The following KCNQ3 variants were observed in gnomAD, a reference collection of about 807,000 sequenced individuals.
The protein encoded by KCNQ3 is potassium voltage-gated channel subfamily KQT member 3.
Under a neutral mutation model 92.5 loss-of-function variants are expected in KCNQ3, and 30 were observed. The observed-to-expected ratio is 0.32, with a 90% CI of 0.24 to 0.44. The LOEUF (loss-of-function observed/expected upper bound fraction) is 0.44. Ranked by LOEUF, KCNQ3 falls within the 20% of genes least tolerant of loss-of-function variation. KCNQ3 has a pLI of 1.00. For missense variants in KCNQ3, 913 were observed against 1,140.3 expected (o/e 0.80, Z 2.87); for synonymous variants, 450 against 468.8 (o/e 0.96, Z 0.52).
At chr8:132,215,234 T>A (rs1445087290) in intron 1 of KCNQ3, among the ~76,000 whole-genome samples, 1 of 152,220 alleles carries the variant, frequency 6.6e-6, no homozygotes, top group Non-Finnish European at 1.5e-5. Context: ...AAAAATGGGA[T>A]TAATAACAAT....
At chr8:132,452,557 C>A (rs1821846359) in intron 1 of KCNQ3, among the ~76,000 whole-genome samples, 2 of 152,154 alleles carry the variant, frequency 1.3e-5, no homozygotes, top group South Asian at 4.1e-4. Flanking sequence ...TGACTGGCAC[C>A]AAATCCTTGG....
At chr8:132,190,496 T>C (rs1438803412) in intron 1 of KCNQ3, among the ~76,000 whole-genome samples, 1 of 152,226 alleles carries the variant, frequency 6.6e-6, no homozygotes, top group African/African-American at 2.4e-5. Context: ...TTGAAAGGCC[T>C]GTGAGAGCTA....
intron 1 of KCNQ3, among the ~76,000 whole-genome samples, chr8:132,199,013 G>A (rs897939164): frequency 3.3e-5 from 5 of 152,062 alleles, no homozygotes; most frequent in Admixed American, 2.6e-4. Context: ...GGCTTTGCAA[G>A]TCAGTCTCTG....
At chr8:132,458,733 G>A (rs1821998981) in intron 1 of KCNQ3, among the ~76,000 whole-genome samples, 1 of 152,210 alleles carries the variant, frequency 6.6e-6, no homozygotes, top group African/African-American at 2.4e-5. Context: ...GGGATTATAG[G>A]CATGAGCCAC....
intron 1 of KCNQ3, among the ~76,000 whole-genome samples, chr8:132,317,203 A>G (rs1262327095): frequency 6.6e-6 from 1 of 152,212 alleles, no homozygotes; most frequent in African/African-American, 2.4e-5. Flanking sequence ...TATGGAATAA[A>G]CAAATCACTT....
intron 1 of KCNQ3, among the ~76,000 whole-genome samples, chr8:132,399,235 C>T (rs1490427093): frequency 6.6e-6 from 1 of 152,182 alleles, no homozygotes; most frequent in Non-Finnish European, 1.5e-5. Context: ...ACAGAAATAG[C>T]TCTCACCTCT....
chr8:132,195,980 A>G (rs1719874334), intron 1 of KCNQ3, among the ~76,000 whole-genome samples: 1 of 152,216 alleles, frequency 6.6e-6, no homozygotes, highest in African/African-American at 2.4e-5. Flanking sequence ...ATAATTATAA[A>G]CATGTGCATA....
chr8:132,247,786 A>G (rs1214047673), intron 1 of KCNQ3, among the ~76,000 whole-genome samples: 1 of 151,264 alleles, frequency 6.6e-6, no homozygotes, highest in African/African-American at 2.4e-5. Context: ...CAACAAGAAC[A>G]AAACTCCCTC....
At chr8:132,477,097 A>G (rs72723132) in intron 1 of KCNQ3, among the ~76,000 whole-genome samples, 2,484 of 152,130 alleles carry the variant, frequency 0.016, 25 homozygotes, top group Non-Finnish European at 0.023. Context: ...GCCTTCTTCC[A>G]TGATTGTAAG....
chr8:132,234,026 C>G (rs147537631), intron 1 of KCNQ3, among the ~76,000 whole-genome samples: 2 of 152,298 alleles, frequency 1.3e-5, no homozygotes, highest in African/African-American at 4.8e-5. Flanking sequence ...AATAATTATG[C>G]TGGGGCAGTA....
intron 1 of KCNQ3, among the ~76,000 whole-genome samples, chr8:132,408,468 A>G (rs1449923589): frequency 6.6e-6 from 1 of 152,160 alleles, no homozygotes; most frequent in Non-Finnish European, 1.5e-5. Context: ...GATGAATTAA[A>G]CATGGGCCCT....
chr8:132,467,511 G>T (rs1271012189), intron 1 of KCNQ3, among the ~76,000 whole-genome samples: 1 of 152,122 alleles, frequency 6.6e-6, no homozygotes, highest in African/African-American at 2.4e-5. Flanking sequence ...TGGGAGGCAG[G>T]GGAAGGACAG....
intron 1 of KCNQ3, among the ~76,000 whole-genome samples, chr8:132,266,310 G>T (rs1009195327): frequency 2.6e-5 from 4 of 152,178 alleles, no homozygotes; most frequent in Non-Finnish European, 4.4e-5. Context: ...CACCTCAGGG[G>T]ATTGAGGGAG....
At chr8:132,325,309 G>A (rs897049374) in intron 1 of KCNQ3, among the ~76,000 whole-genome samples, 3 of 152,154 alleles carry the variant, frequency 2.0e-5, no homozygotes, top group Non-Finnish European at 2.9e-5. Flanking sequence ...GCTGGGTTCC[G>A]TCCAGGGTCT....
At chr8:132,320,295 T>A (rs896830205) in intron 1 of KCNQ3, among the ~76,000 whole-genome samples, 5 of 152,196 alleles carry the variant, frequency 3.3e-5, no homozygotes, top group Admixed American at 2.6e-4. Context: ...AGACCTCAGT[T>A]TATCCATCTG....
chr8:132,153,553 C>T (rs1241491163), intron 9 of KCNQ3, among the ~76,000 whole-genome samples: 1 of 152,208 alleles, frequency 6.6e-6, no homozygotes, highest in African/African-American at 2.4e-5. Flanking sequence ...TTAAAAGGCA[C>T]AGCACAGGTA....
At chr8:132,306,306 A>C (rs1472541968) in intron 1 of KCNQ3, among the ~76,000 whole-genome samples, 2 of 152,152 alleles carry the variant, frequency 1.3e-5, no homozygotes, top group African/African-American at 4.8e-5. Context: ...CTGACTTTGC[A>C]TTAAGCTTTT....
At chr8:132,416,674 A>T (rs1820817390) in intron 1 of KCNQ3, among the ~76,000 whole-genome samples, 1 of 152,204 alleles carries the variant, frequency 6.6e-6, no homozygotes, top group Admixed American at 6.5e-5. Flanking sequence ...GTATACATCC[A>T]GTAGGTACTA....
At chr8:132,307,048 G>T (rs777311508) in intron 1 of KCNQ3, among the ~76,000 whole-genome samples, 1 of 152,174 alleles carries the variant, frequency 6.6e-6, no homozygotes, top group Non-Finnish European at 1.5e-5. Context: ...TTATAGCTGA[G>T]GCTGATTCAG....
Sources: gnomAD v4.1 joint callset for allele counts (sites outside exome capture counted in the v4.1 genomes callset) on GRCh38, gnomAD v4.1.1 for gene constraint, MANE v1.5 for transcripts, NCBI Gene and HGNC (gene_info 2026-07-23, HGNC 2026-07-21) for gene names.